SNRNP70: variants seen among roughly 807,000 people sequenced by gnomAD.
The protein encoded by SNRNP70 is U1 small nuclear ribonucleoprotein 70 kDa.
A neutral mutation model predicts 50.5 loss-of-function variants in SNRNP70; 8 were observed. The ratio of observed to expected loss-of-function variants is 0.16; its 90% CI spans 0.09 to 0.29. The LOEUF is 0.29. Ranked by LOEUF, SNRNP70 falls within the 10% of genes least tolerant of loss-of-function variation. The pLI is 1.00. For missense variants in SNRNP70, 529 were observed against 663.5 expected (o/e 0.80, Z 2.23); for synonymous variants, 320 against 252.9 (o/e 1.27, Z -2.52).
chr19:49,097,659 G>A (rs1371137695), intron 4 of SNRNP70, among the ~76,000 whole-genome samples: 1 of 152,216 alleles, frequency 6.6e-6, no homozygotes, highest in Non-Finnish European at 1.5e-5. Flanking sequence ...GGGTCATTAT[G>A]TGCTGGAGCC....
intron 4 of SNRNP70, among the ~76,000 whole-genome samples, chr19:49,091,912 A>AT (rs1475584535): frequency 6.6e-6 from 1 of 151,718 alleles, no homozygotes; most frequent in African/African-American, 2.4e-5. Flanking sequence ...TCATGACCTC[A>AT]TTTTTTGCCA....
intron 5 of SNRNP70, 21 bp downstream of exon 5, chr19:49,098,512 T>C (rs1221463265): frequency 1.6e-5 from 26 of 1,610,890 alleles, no homozygotes; most frequent in Admixed American, 3.3e-5. Context: ...AGCTCCTAGC[T>C]CCTGGAACCC....
intron 4 of SNRNP70, among the ~76,000 whole-genome samples, chr19:49,096,872 G>A (rs1011506061): frequency 6.6e-6 from 1 of 151,762 alleles, no homozygotes; most frequent in Admixed American, 6.6e-5. Flanking sequence ...GTTCATGCCT[G>A]TAATCCCAGC....
At position 49,107,334 on chromosome 19, in the gene SNRNP70, G is replaced by A. The variant is rs1271820339; in HGVS notation, c.578-291G>A. On this transcript the variant is annotated intron_variant, in intron 8 of 9. Coordinates refer to ENST00000598441, the MANE Select transcript of SNRNP70 (RefSeq NM_003089.6). The surrounding 1 kb of genome is among the most constrained non-coding windows in gnomAD (Gnocchi z 6.0). ...GAGGGCGAGGATGATTGGAAGGGAG[G>A]GTTTTGAGGAGGCTGTGAAGTGCGC... Among the ~76,000 whole-genome samples the A allele has an allele frequency of 2.6e-5, 4 of 152,210 alleles. No homozygotes were observed. The East Asian group carries it at 7.7e-4, about 29-fold the overall frequency.
Position 49,107,178 on chromosome 19 carries a change from AGCAGGGCCCGCTCTTGCT to A in SNRNP70, c.578-444_578-427del, listed in dbSNP as rs2040681712. ...AGCCAAGAGCCGCGGCTCAGACGCT[AGCAGGGCCCGCTCTTGCT>A]GCCTCTACCACCAGTTGACGAGGAG... On this transcript the variant is annotated intron_variant, in intron 8 of 9. Coordinates refer to ENST00000598441, the MANE Select transcript of SNRNP70 (RefSeq NM_003089.6). This position sits in a 1 kb window ranked among gnomAD's most constrained non-coding sequence, Gnocchi z 6.0. Among the ~76,000 whole-genome samples, 1 of 152,230 alleles carries A rather than the reference AGCAGGGCCCGCTCTTGCT, an allele frequency of 6.6e-6. No individual in the cohort carries two copies. The highest frequency in any genetic ancestry group is 6.5e-5 in the Admixed American group (1 of 15,286).
At chr19:49,106,776 C>G (rs1395288748) in intron 8 of SNRNP70, among the ~76,000 whole-genome samples, 1 of 152,154 alleles carries the variant, frequency 6.6e-6, no homozygotes, top group African/African-American at 2.4e-5. Context: ...ATCATCTGTG[C>G]CTTGGGGCTG....
At chr19:49,088,311 T>C (rs2040407915) in intron 2 of SNRNP70, among the ~76,000 whole-genome samples, 2 of 146,340 alleles carry the variant, frequency 1.4e-5, no homozygotes, top group African/African-American at 5.1e-5. Flanking sequence ...CATGCCATTC[T>C]CCTGCCTCAG....
At position 49,098,469 on chromosome 19, in the gene SNRNP70, A is replaced by G. The variant is rs2040540526; in HGVS notation, c.308A>G (p.Lys103Arg). 6.2e-7 allele frequency: 1 copy of G among 1,613,890 alleles called. No homozygotes were observed. ...NDPNAQGDAF[K>R]TLFVARVNYD... The stretch of plus-strand genomic sequence containing the variant: ...CCCAATGCTCAGGGGGATGCCTTCA[A>G]GACTCTCTTCGTGGCGAGAGTGGTA... The change falls in exon 5 of 10, where the codon AAG becomes AGG. Residue 103 changes from lysine to arginine, a missense_variant. Physicochemically the swap from Lys to Arg is conservative, Grantham distance 26. Around this residue, in one of 4 missense-constraint regions of SNRNP70, gnomAD observed 149 missense variants for 259.7 expected, o/e 0.57. Coordinates refer to ENST00000598441, the MANE Select transcript of SNRNP70 (RefSeq NM_003089.6).
In SNRNP70 at chr19:49,107,236, T is replaced by G. The variant is rs2122411637; in HGVS notation, c.578-389T>G. On this transcript the variant is annotated intron_variant, in intron 8 of 9. Transcript: ENST00000598441. The surrounding 1 kb of genome is among the most constrained non-coding windows in gnomAD (Gnocchi z 6.0). ...TTGACGAGGAGTTTGGACCTTAGGC[T>G]GGGGGACGCCAGCAAAGGCTTCTAA... Among the ~76,000 whole-genome samples, 1 of 152,264 alleles carries G rather than the reference T, an allele frequency of 6.6e-6. No individual in the cohort carries two copies. The highest frequency in any genetic ancestry group is 1.9e-4 in the East Asian group (1 of 5,170).
At chr19:49,100,782 G>A (rs1469083861) in intron 6 of SNRNP70, among the ~76,000 whole-genome samples, 1 of 147,620 alleles carries the variant, frequency 6.8e-6, no homozygotes, top group Non-Finnish European at 1.5e-5. Context: ...CTCTAGCCTG[G>A]GCAACAGAGC....
In SNRNP70 at chr19:49,098,653, A is replaced by G. The variant is rs544439248; in HGVS notation, c.342A>G (p.Thr114=). 6.2e-7 allele frequency: 1 copy of G among 1,614,032 alleles called. No individual in the cohort carries two copies. The highest frequency in any genetic ancestry group is 2.2e-5 in the East Asian group (1 of 44,872). ...TLFVARVNYD[T]TESKLRREFE... is the part of the protein sequence containing the mutation. ...CCATCTCCTTGTAGAATTATGACAC[A>G]ACAGAATCCAAGCTCCGGAGAGAGT... The change falls in exon 6 of 10, where the codon ACA becomes ACG. Residue 114 remains threonine, a synonymous_variant. Coordinates refer to ENST00000598441, the MANE Select transcript of SNRNP70 (RefSeq NM_003089.6).
intron 4 of SNRNP70, among the ~76,000 whole-genome samples, chr19:49,095,139 T>C (rs572321118): frequency 6.6e-6 from 1 of 152,386 alleles, no homozygotes; most frequent in African/African-American, 2.4e-5. Context: ...CTGCATTTGC[T>C]TTTTACCTTT....
chr19:49,101,614 A>G, intron 7 of SNRNP70, 143 bp downstream of exon 7: 3 of 618,200 alleles, frequency 4.9e-6, no homozygotes, highest in South Asian at 1.9e-5. Flanking sequence ...TTTCTGATGT[A>G]TCTTTTTTTT....
Position 49,102,259 on chromosome 19 carries a change from G to A in SNRNP70, c.475+788G>A, listed in dbSNP as rs1291538051. 2.8e-6 allele frequency: 3 copies of A among 1,081,338 alleles called. No homozygotes were observed. In the African/African-American group the frequency reaches 4.9e-5, roughly 18 times the overall value. The allele number at this position is 1,081,338 out of a possible 1,614,324, so 67.0% of individuals were successfully genotyped here. ...AGCCAGGCAGCTCAGGAGCAGCGAG[G>A]CGCCCCTCCTCCCACCCCAGTCGCC... On this transcript the variant is annotated intron_variant, in intron 7 of 9. Transcript: ENST00000598441.
rs922974531 is a variant in SNRNP70 at position 49,107,968 on chromosome 19, G to T, written c.839G>T (p.Arg280Leu). 1 of 1,547,910 alleles carries T rather than the reference G, an allele frequency of 6.5e-7. No homozygotes were observed. Among genetic ancestry groups the T allele is most frequent in the Non-Finnish European group, 8.7e-7 (1 of 1,146,156 alleles). Residue 280 changes from arginine (R) to leucine (L), a missense_variant, in exon 10 of 10, where the codon CGG becomes CTG. By Grantham distance (102) the Arg-to-Leu change is moderately radical (BLOSUM62 -2). Coordinates refer to ENST00000598441, the MANE Select transcript of SNRNP70 (RefSeq NM_003089.6). This position sits in a 1 kb window ranked among gnomAD's most constrained non-coding sequence, Gnocchi z 6.0. Reference protein sequence around the residue: ...DKEERRRSRERSKDKDRDRKR... With the variant: ...DKEERRRSRELSKDKDRDRKR... Reference sequence around the variant, plus strand: ...GAGGAGCGGAGGCGCTCCAGGGAGCGGAGCAAGGACAAGGACCGGGACCGG... The same window carrying T: ...GAGGAGCGGAGGCGCTCCAGGGAGCTGAGCAAGGACAAGGACCGGGACCGG...
chr19:49,101,550 T>A lies in SNRNP70; in HGVS notation c.475+79T>A, dbSNP rs968623113. On this transcript the variant is annotated intron_variant, in intron 7 of 9. Transcript: ENST00000598441. ...CCCCAGCCCCTCCCAGTCTGTCCCC[T>A]CCCCCACCCTGCCACACCTGACATT... 5.1e-5 allele frequency: 45 copies of A among 880,386 alleles called. No homozygotes were observed. In the African/African-American group the frequency reaches 7.0e-4, roughly 14 times the overall value. 54.5% of individuals were successfully genotyped at this position (880,386 alleles called of 1,614,324 possible).
In SNRNP70 at chr19:49,108,215, C is replaced by A; in HGVS notation, c.1086C>A (p.Arg362=). ...RERRRSHRSE[R]ERRRDRDRDR... ...GACGGCGGAGCCACCGGAGCGAGCG[C>A]GAGCGGCGCCGGGACCGGGATCGTG... The change falls in exon 10 of 10, where the codon CGC becomes CGA. Residue 362 remains arginine, a synonymous_variant. Coordinates refer to ENST00000598441, the MANE Select transcript of SNRNP70 (RefSeq NM_003089.6). The A allele has an allele frequency of 6.5e-7, 1 of 1,531,776 alleles. No homozygotes were observed. Among genetic ancestry groups the A allele is most frequent in the Non-Finnish European group, 8.8e-7 (1 of 1,138,408 alleles). 94.9% of individuals were successfully genotyped at this position (1,531,776 alleles called of 1,614,324 possible). A position where few individuals can be genotyped will look rare whatever the true frequency, so the allele number is the denominator to read the frequency against.
intron 8 of SNRNP70, among the ~76,000 whole-genome samples, chr19:49,105,737 AAAAC>A (rs2040658338): frequency 6.9e-6 from 1 of 145,450 alleles, no homozygotes; most frequent in South Asian, 2.2e-4. Context: ...CTCAAAAAAA[AAAAC>A]AAAAAACAAA....
chr19:49,087,302 G>A (rs965129941), intron 2 of SNRNP70, among the ~76,000 whole-genome samples: 1 of 152,084 alleles, frequency 6.6e-6, no homozygotes, highest in Non-Finnish European at 1.5e-5. Context: ...CTGACTTTGG[G>A]CAAATGTTGT....
Sources: allele counts gnomAD v4.1 joint callset (sites outside exome capture counted in the v4.1 genomes callset), GRCh38; gene constraint gnomAD v4.1.1; regional missense constraint gnomAD v4.1.1; non-coding constraint Gnocchi (gnomAD v3.1); transcripts MANE v1.5; gene names NCBI Gene and HGNC (gene_info 2026-07-23, HGNC 2026-07-21).